BRMS1L: variants seen among roughly 807,000 people sequenced by gnomAD.
BRMS1L encodes BRMS1 like transcriptional repressor, also known as breast cancer metastasis-suppressor 1-like protein.
In BRMS1L, 23 loss-of-function variants were observed where a neutral mutation model predicts 50.3. The ratio of observed to expected loss-of-function variants is 0.46; its 90% CI spans 0.33 to 0.65. The LOEUF (loss-of-function observed/expected upper bound fraction) is 0.65, where lower values mean the gene tolerates loss of function less well. Among genes scored for constraint, BRMS1L ranks in the 30% least tolerant of loss-of-function variants. BRMS1L has a pLI of 0.02. For synonymous variants in BRMS1L, 114 were observed against 126.9 expected, an observed-to-expected ratio of 0.90 and a Z score of 0.69; for missense variants, 286 against 386.1, an observed-to-expected ratio of 0.74 and a Z score of 2.17.
chr14:35,829,726 G>T (rs10146494), intron 1 of BRMS1L: 117,635 of 660,310 alleles, frequency 0.18, 11,656 homozygotes, highest in East Asian at 0.35. Flanking sequence ...TTTAGAAAAT[G>T]AGAAAAAAAT....
In BRMS1L at chr14:35,870,350, TTC is replaced by T; in HGVS notation, c.855-8_855-7del. On this transcript the variant is annotated splice_polypyrimidine_tract_variant and splice_region_variant and intron_variant, in intron 9 of 9. Coordinates refer to ENST00000216807, the MANE Select transcript of BRMS1L (RefSeq NM_032352.4). ...AATTCATTCATTCATTCTTTTTTTT[TTC>T]TTTTTAGTGCTGTAATTACAACAAT... is the stretch of plus-strand genomic sequence containing the variant. The T allele has an allele frequency of 6.8e-7, 1 of 1,469,794 alleles. No individual in the cohort carries two copies. Among genetic ancestry groups the T allele is most frequent in the South Asian group, 1.2e-5 (1 of 82,674 alleles). 91.0% of individuals were successfully genotyped at this position (1,469,794 alleles called of 1,614,324 possible).
rs1044246063 is a variant in BRMS1L, at chr14:35,864,051, G to A, written c.622+98G>A. On this transcript the variant is annotated intron_variant, in intron 6 of 9. Transcript: ENST00000216807. Reference sequence around the variant, plus strand: ...TTATTTGTAAACACTGACTTTATTTGCATGATCCTGTAATAAGCAAAAGAT... The same window carrying A: ...TTATTTGTAAACACTGACTTTATTTACATGATCCTGTAATAAGCAAAAGAT... 49 of 889,990 alleles carry A rather than the reference G, an allele frequency of 5.5e-5. No individual in the cohort carries two copies. The Middle Eastern group carries it at 7.9e-4, about 14-fold the overall frequency. The allele number at this position is 889,990 out of a possible 1,614,324, so 55.1% of individuals were successfully genotyped here.
At chr14:35,863,120 A>G (rs74635079) in intron 5 of BRMS1L, among the ~76,000 whole-genome samples, 3,376 of 152,232 alleles carry the variant, frequency 0.022, 128 homozygotes, top group South Asian at 0.14. Flanking sequence ...AAAGAATAGT[A>G]TTGGAAATTA....
chr14:35,864,729 A>G (rs886238165), intron 6 of BRMS1L, among the ~76,000 whole-genome samples: 3 of 152,210 alleles, frequency 2.0e-5, no homozygotes, highest in Non-Finnish European at 4.4e-5. Context: ...ATATCATGGA[A>G]TTAAGGGCAT....
At chr14:35,850,736 T>G (rs1001709881) in intron 4 of BRMS1L, among the ~76,000 whole-genome samples, 3 of 152,234 alleles carry the variant, frequency 2.0e-5, no homozygotes, top group African/African-American at 7.2e-5. Flanking sequence ...TTTAATCTGC[T>G]TTGATTTTAT....
chr14:35,827,458 C>G (rs1374233724), intron 1 of BRMS1L, among the ~76,000 whole-genome samples: 1 of 152,198 alleles, frequency 6.6e-6, no homozygotes, highest in Non-Finnish European at 1.5e-5. Flanking sequence ...ATGAGACTGA[C>G]TTCTTTGTCT....
rs1381598702 is a variant in BRMS1L, at chr14:35,831,626, G to GGCTT, written c.233+127_233+130dup. ...TTATGCGACAGACCAATTTGAAAGAGGCTTCAACTATTGTTTGTCTACTAA... is the reference window on the plus strand; with the variant it reads ...TTATGCGACAGACCAATTTGAAAGAGGCTTGCTTCAACTATTGTTTGTCTACTAA... On this transcript the variant is annotated intron_variant, in intron 2 of 9. Coordinates refer to ENST00000216807, the MANE Select transcript of BRMS1L (RefSeq NM_032352.4). The GGCTT allele has an allele frequency of 8.9e-5, 60 of 671,328 alleles. 1 individual carries two copies. Among genetic ancestry groups the GGCTT allele is most frequent in the South Asian group, 2.9e-4 (14 of 48,858 alleles). 41.6% of individuals were successfully genotyped at this position (671,328 alleles called of 1,614,324 possible). A position where few individuals can be genotyped will look rare whatever the true frequency, so the allele number is the denominator to read the frequency against.
At chr14:35,851,412 T>A (rs920757260) in intron 4 of BRMS1L, among the ~76,000 whole-genome samples, 2 of 149,418 alleles carry the variant, frequency 1.3e-5, no homozygotes, top group African/African-American at 4.9e-5. Context: ...GTAGATACTA[T>A]GCTACTCTTT....
chr14:35,842,092 T>C (rs1055010348), intron 4 of BRMS1L, among the ~76,000 whole-genome samples: 3 of 151,828 alleles, frequency 2.0e-5, no homozygotes, highest in Admixed American at 1.3e-4. Context: ...GTGAGATGCG[T>C]CTCCTGAATA....
At chr14:35,855,435 T>G (rs1299506130) in intron 4 of BRMS1L, among the ~76,000 whole-genome samples, 1 of 152,156 alleles carries the variant, frequency 6.6e-6, no homozygotes, top group Non-Finnish European at 1.5e-5. Context: ...TAAAAGGGTG[T>G]TTGTGGCGTT....
intron 2 of BRMS1L, among the ~76,000 whole-genome samples, 188 bp downstream of exon 2, chr14:35,831,688 G>T (rs1016854814): frequency 1.3e-5 from 2 of 152,198 alleles, no homozygotes; most frequent in East Asian, 1.9e-4. Context: ...TGGAGGCAGG[G>T]TTTTTTTGTG....
intron 2 of BRMS1L, 21 bp downstream of exon 2, chr14:35,831,521 GC>G (rs775261504): frequency 1.9e-6 from 3 of 1,561,624 alleles, no homozygotes; most frequent in East Asian, 4.5e-5. Flanking sequence ...ACTTTAGAAG[GC>G]CATTGTCACT....
At chr14:35,832,545 C>T (rs1485899377) in intron 2 of BRMS1L, among the ~76,000 whole-genome samples, 1 of 151,648 alleles carries the variant, frequency 6.6e-6, no homozygotes, top group Non-Finnish European at 1.5e-5. Flanking sequence ...TACAGTAATA[C>T]TGACTCCTTT....
chr14:35,836,440 A>C (rs1180377623), intron 4 of BRMS1L, among the ~76,000 whole-genome samples: 1 of 152,142 alleles, frequency 6.6e-6, no homozygotes, highest in East Asian at 1.9e-4. Context: ...CCCTGGCCTC[A>C]AGCCATCCTC....
At chr14:35,868,789 C>T (rs1257601465) in intron 9 of BRMS1L, among the ~76,000 whole-genome samples, 2 of 152,064 alleles carry the variant, frequency 1.3e-5, no homozygotes, top group South Asian at 2.1e-4. Context: ...CTAACAACAA[C>T]AACAACAAAC....
At chr14:35,845,526 T>C (rs1381618681) in intron 4 of BRMS1L, among the ~76,000 whole-genome samples, 2 of 152,248 alleles carry the variant, frequency 1.3e-5, no homozygotes, top group East Asian at 3.8e-4. Flanking sequence ...GATTTCCTAA[T>C]GTTAAACTAT....
intron 9 of BRMS1L, among the ~76,000 whole-genome samples, chr14:35,869,849 A>G (rs994193560): frequency 6.6e-6 from 1 of 152,122 alleles, no homozygotes; most frequent in Admixed American, 6.5e-5. Flanking sequence ...CTGTCTCAAA[A>G]TAAATAAACA....
At chr14:35,837,861 ATTTAAAAAAATTACTT>A (rs2142041559) in intron 4 of BRMS1L, among the ~76,000 whole-genome samples, 1 of 152,198 alleles carries the variant, frequency 6.6e-6, no homozygotes, top group South Asian at 2.1e-4. Flanking sequence ...CCCAATTTTA[ATTTAAAAAAATTACTT>A]TTTAAAAAAA....
At chr14:35,828,471 CTTTTTTTTT>C (rs780984053) in intron 1 of BRMS1L, among the ~76,000 whole-genome samples, 1 of 99,278 alleles carries the variant, frequency 1.0e-5, no homozygotes, top group Admixed American at 1.2e-4. Context: ...CATTCCCAGC[CTTTTTTTTT>C]TTTTTTTTTT....
Sources: gnomAD v4.1 joint callset for allele counts (sites outside exome capture counted in the v4.1 genomes callset) on GRCh38, gnomAD v4.1.1 for gene constraint, MANE v1.5 for transcripts, NCBI Gene and HGNC (gene_info 2026-07-23, HGNC 2026-07-21) for gene names.